NDUFA7: variants seen among roughly 807,000 people sequenced by gnomAD.
NDUFA7 encodes NADH dehydrogenase [ubiquinone] 1 alpha subcomplex subunit 7.
A neutral mutation model predicts 14.2 loss-of-function variants in NDUFA7; 18 were observed. The observed-to-expected ratio is 1.27, with a 90% CI of 0.88 to 1.88. The LOEUF is 1.88. Among genes scored for constraint, NDUFA7 ranks in the 40% most tolerant of loss-of-function variants. The probability of loss-of-function intolerance (pLI) is 0.00; values close to 1 mark genes in which losing one functional copy is unlikely to be tolerated. For synonymous variants in NDUFA7, 75 were observed against 62.1 expected (o/e 1.21, Z -0.98); for missense variants, 172 against 147.3 (o/e 1.17, Z -0.87).
At chr19:8,316,387 A>G in intron 3 of NDUFA7, 109 bp downstream of exon 3, 1 of 1,461,088 alleles carries the variant, frequency 6.8e-7, no homozygotes. Context: ...TGCGCAACTG[A>G]TGCTTACTAA....
In NDUFA7 at chr19:8,311,449, C is replaced by T. The variant is rs555531778; in HGVS notation, c.*56G>A. On this transcript the variant is annotated 3_prime_UTR_variant, in exon 4 of 4. Transcript: ENST00000301457. Reference sequence around the variant, plus strand: ...TATTTGTCATAAATTAGGTCACATTCTCCCTGGAGGAAATCCAAGGAGGCA... The same window carrying T: ...TATTTGTCATAAATTAGGTCACATTTTCCCTGGAGGAAATCCAAGGAGGCA... 8 of 1,387,434 alleles carry T rather than the reference C, an allele frequency of 5.8e-6. No homozygotes were observed. The Admixed American group carries it at 1.7e-4, about 29-fold the overall frequency. 85.9% of individuals were successfully genotyped at this position (1,387,434 alleles called of 1,614,324 possible).
At chr19:8,314,014 C>T (rs1446718873) in intron 3 of NDUFA7, among the ~76,000 whole-genome samples, 7 of 152,206 alleles carry the variant, frequency 4.6e-5, no homozygotes, top group Non-Finnish European at 1.0e-4. Flanking sequence ...AAGGTTTATA[C>T]ACTTCTGTCT....
chr19:8,309,144 G>C (rs951689262), downstream of NDUFA7, among the ~76,000 whole-genome samples: 3 of 151,878 alleles, frequency 2.0e-5, no homozygotes, highest in African/African-American at 7.2e-5. Flanking sequence ...ATCACTTGGG[G>C]CTGCACTCCA....
downstream of NDUFA7, among the ~76,000 whole-genome samples, chr19:8,309,089 G>A (rs1784844815): frequency 6.6e-6 from 1 of 151,952 alleles, no homozygotes; most frequent in African/African-American, 2.4e-5. Flanking sequence ...GGGCATGGTG[G>A]CTCTAATTTG....
At position 8,311,457 on chromosome 19, in the gene NDUFA7, A is replaced by G. The variant is rs1445119546; in HGVS notation, c.*48T>C. 1 of 1,449,224 alleles carries G rather than the reference A, an allele frequency of 6.9e-7. No homozygotes were observed. Among genetic ancestry groups the G allele is most frequent in the South Asian group, 1.2e-5 (1 of 82,620 alleles). The allele number at this position is 1,449,224 out of a possible 1,614,324, so 89.8% of individuals were successfully genotyped here. ...ATAAATTAGGTCACATTCTCCCTGG[A>G]GGAAATCCAAGGAGGCAAAGTAGTC... On this transcript the variant is annotated 3_prime_UTR_variant, in exon 4 of 4. Transcript: ENST00000301457.
chr19:8,311,282 G>A (rs1272380738), downstream of NDUFA7: 10 of 350,930 alleles, frequency 2.8e-5, no homozygotes, highest in Non-Finnish European at 4.7e-5. Context: ...GCTCATGCCT[G>A]TAATCCCAGC....
intron 1 of NDUFA7, 68 bp from the exon 2 acceptor site, chr19:8,320,974 G>C: frequency 3.8e-6 from 6 of 1,572,364 alleles, no homozygotes; most frequent in Non-Finnish European, 5.2e-6. Flanking sequence ...AGAGGGCAAG[G>C]GACCAGGGAT....
intron 3 of NDUFA7, among the ~76,000 whole-genome samples, chr19:8,312,289 G>A (rs1438049523): frequency 6.6e-6 from 1 of 152,220 alleles, no homozygotes; most frequent in Non-Finnish European, 1.5e-5. Context: ...TGGGGTGATG[G>A]AGGAGGCGCC....
chr19:8,313,234 CT>C lies in NDUFA7; in HGVS notation c.252-1640del, dbSNP rs1422481406. Among the ~76,000 whole-genome samples the C allele has an allele frequency of 3.7e-3, 516 of 140,482 alleles. 4 individuals carry two copies. The highest frequency in any genetic ancestry group is 0.026 in the East Asian group (123 of 4,820). The allele number at this position is 140,482 out of a possible 152,430, so 92.2% of individuals were successfully genotyped here. A position where few individuals can be genotyped will look rare whatever the true frequency, so the allele number is the denominator to read the frequency against. On this transcript the variant is annotated intron_variant, in intron 3 of 3. Transcript: ENST00000301457. The stretch of plus-strand genomic sequence containing the variant: ...CTGCGCCTGGCCTATTCACAGAGTT[CT>C]TTTTTTTTTTTTTGAGACAGAGTCT...
At chr19:8,309,809 A>G (rs1255460999), downstream of NDUFA7, among the ~76,000 whole-genome samples, 1 of 152,098 alleles carries the variant, frequency 6.6e-6, no homozygotes, top group Non-Finnish European at 1.5e-5. Flanking sequence ...TGCCCTGGGG[A>G]AGCCATGACA....
rs568916818 is a variant in NDUFA7, at chr19:8,320,616, C to A, written c.101+241G>T. 2.6e-5 allele frequency among the ~76,000 whole-genome samples: 4 copies of A among 152,284 alleles called. No individual in the cohort carries two copies. The East Asian group carries it at 7.7e-4, about 29-fold the overall frequency. ...GGGATAACACTGACTAACATGGCCA[C>A]GCTGAGCACTGCAAATCTAGCCTGA... On this transcript the variant is annotated intron_variant, in intron 2 of 3. Transcript: ENST00000301457.
intron 3 of NDUFA7, among the ~76,000 whole-genome samples, chr19:8,315,773 C>G (rs1005696266): frequency 1.3e-5 from 2 of 152,040 alleles, no homozygotes; most frequent in Non-Finnish European, 1.5e-5. Flanking sequence ...TTCCACCTAA[C>G]GAGGAACACC....
At chr19:8,321,112 T>G (rs1490852337) in intron 1 of NDUFA7, 196 bp downstream of exon 1, 1 of 879,438 alleles carries the variant, frequency 1.1e-6, no homozygotes, top group Non-Finnish European at 1.7e-6. Flanking sequence ...GGTCGGGGAC[T>G]GGGGAAATCC....
intron 3 of NDUFA7, among the ~76,000 whole-genome samples, chr19:8,314,566 G>A (rs772501962): frequency 1.3e-5 from 2 of 151,998 alleles, no homozygotes; most frequent in Non-Finnish European, 2.9e-5. Context: ...AGGAGTTTGA[G>A]AACGGCCTGG....
At chr19:8,314,608 A>G (rs1004732022) in intron 3 of NDUFA7, among the ~76,000 whole-genome samples, 1 of 151,738 alleles carries the variant, frequency 6.6e-6, no homozygotes. Flanking sequence ...TCTACGAAAC[A>G]TTTAAAAATT....
intron 3 of NDUFA7, among the ~76,000 whole-genome samples, chr19:8,314,636 G>T (rs1013620307): frequency 6.6e-6 from 1 of 151,928 alleles, no homozygotes; most frequent in Non-Finnish European, 1.5e-5. Flanking sequence ...CATGGAGGCC[G>T]GGCATGGTGG....
intron 2 of NDUFA7, among the ~76,000 whole-genome samples, chr19:8,317,569 C>T (rs1038251510): frequency 6.6e-6 from 1 of 152,178 alleles, no homozygotes; most frequent in East Asian, 1.9e-4. Context: ...GGAGAGAAGA[C>T]AGCAAAAACC....
rs978148742 is a variant in NDUFA7, at chr19:8,311,399, C to T, written c.*106G>A. The T allele has an allele frequency of 1.5e-5, 13 of 886,586 alleles. No homozygotes were observed. The African/African-American group carries it at 1.9e-4, about 13-fold the overall frequency. 54.9% of individuals were successfully genotyped at this position (886,586 alleles called of 1,614,324 possible). ...TATTTTTTTATTTTTTAAAGTAAAA[C>T]TAGAAGTGATACCTGAGCTCTACGT... On this transcript the variant is annotated 3_prime_UTR_variant, in exon 4 of 4. Transcript: ENST00000301457.
intron 2 of NDUFA7, 90 bp downstream of exon 2, chr19:8,320,767 T>A (rs1036179625): frequency 3.4e-5 from 51 of 1,499,302 alleles, no homozygotes; most frequent in Non-Finnish European, 4.2e-5. Context: ...ATGTCAGCCC[T>A]CCGTTTCAGG....
Sources: allele counts gnomAD v4.1 joint callset (sites outside exome capture counted in the v4.1 genomes callset), GRCh38; gene constraint gnomAD v4.1.1; transcripts MANE v1.5; gene names NCBI Gene and HGNC (gene_info 2026-07-23, HGNC 2026-07-21).